The following PDGFRA variants were observed in gnomAD, a reference collection of about 807,000 sequenced individuals.
The protein encoded by PDGFRA is platelet-derived growth factor receptor alpha.
A neutral mutation model predicts 121.5 loss-of-function variants in PDGFRA; 25 were observed. The ratio of observed to expected loss-of-function variants is 0.21; its 90% CI spans 0.15 to 0.29. The LOEUF (loss-of-function observed/expected upper bound fraction) is 0.29. PDGFRA is among the 10% of genes least tolerant of loss of function. The probability of loss-of-function intolerance (pLI) is 1.00; values close to 1 mark genes in which losing one functional copy is unlikely to be tolerated. For synonymous variants in PDGFRA, 463 were observed against 494.8 expected (o/e 0.94, Z 0.85); for missense variants, 1,008 against 1,345.1 (o/e 0.75, Z 3.92).
At chr4:54,268,345 C>T (rs141613974) in intron 7 of PDGFRA, among the ~76,000 whole-genome samples, 3 of 152,296 alleles carry the variant, frequency 2.0e-5, no homozygotes, top group Non-Finnish European at 4.4e-5. Context: ...ACAGTTTCCT[C>T]ATCTACAATG....
At position 54,297,393 on chromosome 4, in the gene PDGFRA, C is replaced by A. The variant is rs557865852; in HGVS notation, c.*2121C>A. The A allele has an allele frequency of 2.4e-4, 57 of 233,546 alleles. No individual in the cohort carries two copies. The highest frequency in any genetic ancestry group is 4.1e-4 in the Non-Finnish European group (48 of 118,032). The allele number at this position is 233,546 out of a possible 1,614,324, so 14.5% of individuals were successfully genotyped here. On this transcript the variant is annotated 3_prime_UTR_variant, in exon 23 of 23. Transcript: ENST00000257290. Reference sequence around the variant, plus strand: ...TTTCATAGTAAGTGCGAAGACTGAGCCAGATTGGCCAATTAAAAACGAAAA... The same window carrying A: ...TTTCATAGTAAGTGCGAAGACTGAGACAGATTGGCCAATTAAAAACGAAAA...
chr4:54,246,572 T>C (rs920895467), intron 1 of PDGFRA, among the ~76,000 whole-genome samples: 3 of 152,064 alleles, frequency 2.0e-5, no homozygotes, highest in Non-Finnish European at 2.9e-5. Context: ...AAGCAGTGTG[T>C]AGAGGGAAAT....
chr4:54,246,516 G>C (rs1487202524), intron 1 of PDGFRA, among the ~76,000 whole-genome samples: 2 of 152,062 alleles, frequency 1.3e-5, no homozygotes, highest in Admixed American at 1.3e-4. Context: ...TCTTTGAACC[G>C]ACGAGAACAA....
intron 9 of PDGFRA, among the ~76,000 whole-genome samples, chr4:54,273,251 C>G (rs369031195): frequency 6.6e-6 from 1 of 152,110 alleles, no homozygotes; most frequent in Non-Finnish European, 1.5e-5. Context: ...GTTCAGTTTG[C>G]TCATAGGTTC....
intron 18 of PDGFRA, 56 bp from the exon 19 acceptor site, chr4:54,287,374 G>A: frequency 2.5e-6 from 2 of 796,316 alleles, no homozygotes; most frequent in South Asian, 1.3e-5. Flanking sequence ...TATTTCCACT[G>A]CTGTGGATCA....
intron 22 of PDGFRA, among the ~76,000 whole-genome samples, chr4:54,294,024 G>A (rs1191074583): frequency 6.6e-6 from 1 of 151,660 alleles, no homozygotes; most frequent in East Asian, 1.9e-4. Context: ...ATAATATGTA[G>A]ACAGCCCTTG....
rs891891716 is a variant in PDGFRA, at chr4:54,297,228, T to G, written c.*1956T>G. 8.6e-6 allele frequency: 2 copies of G among 233,626 alleles called. No individual in the cohort carries two copies. The highest frequency in any genetic ancestry group is 4.4e-5 in the African/African-American group (2 of 45,362). 14.5% of individuals were successfully genotyped at this position (233,626 alleles called of 1,614,324 possible). A position where few individuals can be genotyped will look rare whatever the true frequency, so the allele number is the denominator to read the frequency against. On this transcript the variant is annotated 3_prime_UTR_variant, in exon 23 of 23. Transcript: ENST00000257290. Reference sequence around the variant, plus strand: ...ATACTGCTTAATTGCTGATACCATATGAATGAAACATGGGCTGTGATTACT... The same window carrying G: ...ATACTGCTTAATTGCTGATACCATAGGAATGAAACATGGGCTGTGATTACT...
chr4:54,277,464 C>T lies in PDGFRA; in HGVS notation c.1863C>T (p.Val621=), dbSNP rs1577730282. The T allele has an allele frequency of 3.1e-6, 5 of 1,613,714 alleles. No individual in the cohort carries two copies. The highest frequency in any genetic ancestry group is 4.2e-6 in the Non-Finnish European group (5 of 1,179,644). Residue 621 remains valine (V), a synonymous_variant, in exon 13 of 23, where the codon GTC becomes GTT. Transcript: ENST00000257290. ...ATGGATTAAGCCGGTCCCAACCTGT[C>T]ATGAAAGTTGCAGTGAAGATGCTAA... is the stretch of plus-strand genomic sequence containing the variant. The part of the protein sequence containing the change: ...TAYGLSRSQP[V]MKVAVKMLKP...
At chr4:54,293,913 G>GTGTGTT (rs1215044693) in intron 22 of PDGFRA, among the ~76,000 whole-genome samples, 132 of 150,698 alleles carry the variant, frequency 8.8e-4, no homozygotes, top group African/African-American at 2.8e-3. Flanking sequence ...TTGCTTGTGT[G>GTGTGTT]TGTGTGTGTG....
chr4:54,241,836 A>C (rs1444159870), intron 1 of PDGFRA, among the ~76,000 whole-genome samples: 2 of 152,156 alleles, frequency 1.3e-5, no homozygotes, highest in African/African-American at 4.8e-5. Flanking sequence ...GGCATGAGCC[A>C]CCTCATGCAC....
In PDGFRA at chr4:54,282,403, C is replaced by CGA. The variant is rs540681676; in HGVS notation, c.2323+1930_2323+1931dup. The stretch of plus-strand genomic sequence containing the variant: ...ATCACATGGCCAGAGCAAGAGCAAG[C>CGA]GAGAGAGAGAAAGAGAGAGGTGCCA... On this transcript the variant is annotated intron_variant, in intron 16 of 22. Coordinates refer to ENST00000257290, the MANE Select transcript of PDGFRA (RefSeq NM_006206.6). 3.2e-3 allele frequency among the ~76,000 whole-genome samples: 493 copies of CGA among 152,090 alleles called. 2 individuals are homozygous for CGA. The highest frequency in any genetic ancestry group is 0.011 in the African/African-American group (474 of 41,496).
At chr4:54,255,423 A>G (rs1722304591) in intron 1 of PDGFRA, among the ~76,000 whole-genome samples, 2 of 152,204 alleles carry the variant, frequency 1.3e-5, no homozygotes, top group African/African-American at 4.8e-5. Flanking sequence ...TTAGGCTATT[A>G]TCTACTGGAT....
chr4:54,258,383 G>T (rs948901764), intron 1 of PDGFRA, among the ~76,000 whole-genome samples: 2 of 152,162 alleles, frequency 1.3e-5, no homozygotes, highest in South Asian at 4.1e-4. Context: ...TCTAAAAGTT[G>T]TAGAGAGTGT....
intron 1 of PDGFRA, among the ~76,000 whole-genome samples, chr4:54,255,662 C>T (rs1467054549): frequency 4.6e-5 from 7 of 151,990 alleles, no homozygotes; most frequent in Admixed American, 3.9e-4. Context: ...CCTGCCACCA[C>T]GCCCGGCTAA....
chr4:54,250,245 A>G (rs1188322934), intron 1 of PDGFRA, among the ~76,000 whole-genome samples: 1 of 152,212 alleles, frequency 6.6e-6, no homozygotes, highest in African/African-American at 2.4e-5. Context: ...TTTTGGCTAA[A>G]TAAATGCTTT....
At position 54,297,906 on chromosome 4, in the gene PDGFRA, T is replaced by A. The variant is rs1382398716; in HGVS notation, c.*2634T>A. The A allele has an allele frequency of 4.3e-6, 1 of 233,150 alleles. No individual in the cohort carries two copies. The highest frequency in any genetic ancestry group is 2.2e-5 in the African/African-American group (1 of 45,336). 14.4% of individuals were successfully genotyped at this position (233,150 alleles called of 1,614,324 possible). A position where few individuals can be genotyped will look rare whatever the true frequency, so the allele number is the denominator to read the frequency against. ...AAGATAAAATGATGTTATACATCAA[T>A]ATGTATATATGTATTTCTATATAGA... is the stretch of plus-strand genomic sequence containing the variant. On this transcript the variant is annotated 3_prime_UTR_variant, in exon 23 of 23. Coordinates refer to ENST00000257290, the MANE Select transcript of PDGFRA (RefSeq NM_006206.6).
At chr4:54,232,590 T>TTG (rs939358100) in intron 1 of PDGFRA, among the ~76,000 whole-genome samples, 15 of 151,830 alleles carry the variant, frequency 9.9e-5, no homozygotes, top group Non-Finnish European at 1.5e-4. Flanking sequence ...GAAGGCACTT[T>TTG]TGTGTGTGTG....
chr4:54,296,746 T>C lies in PDGFRA; in HGVS notation c.*1474T>C, dbSNP rs1724901077. On this transcript the variant is annotated 3_prime_UTR_variant, in exon 23 of 23. Coordinates refer to ENST00000257290, the MANE Select transcript of PDGFRA (RefSeq NM_006206.6). ...TGACTTAGGTTTCAGGAAGTTGCCA[T>C]GGGAAACAAATAATTTGAACTTTGG... 2 of 232,860 alleles carry C rather than the reference T, an allele frequency of 8.6e-6. No homozygotes were observed. Among genetic ancestry groups the C allele is most frequent in the African/African-American group, 4.4e-5 (2 of 45,310 alleles). 14.4% of individuals were successfully genotyped at this position (232,860 alleles called of 1,614,324 possible).
At chr4:54,290,891 A>G (rs1040872426) in intron 22 of PDGFRA, among the ~76,000 whole-genome samples, 3 of 152,130 alleles carry the variant, frequency 2.0e-5, no homozygotes, top group Non-Finnish European at 4.4e-5. Context: ...CCATTGTCTT[A>G]AATAGTCATT....
Sources: allele counts gnomAD v4.1 joint callset (sites outside exome capture counted in the v4.1 genomes callset), GRCh38; gene constraint gnomAD v4.1.1; transcripts MANE v1.5; gene names NCBI Gene and HGNC (gene_info 2026-07-23, HGNC 2026-07-21).